The following KCND2 variants were observed in gnomAD, a reference collection of about 807,000 sequenced individuals.
The protein encoded by KCND2 is A-type voltage-gated potassium channel KCND2.
A neutral mutation model predicts 54.4 loss-of-function variants in KCND2; 16 were observed. The ratio of observed to expected loss-of-function variants is 0.29; its 90% CI spans 0.20 to 0.45. The LOEUF (loss-of-function observed/expected upper bound fraction) is 0.45, where lower values mean the gene tolerates loss of function less well. Among genes scored for constraint, KCND2 ranks in the 20% least tolerant of loss-of-function variants. The probability of loss-of-function intolerance (pLI) is 1.00; values close to 1 mark genes in which losing one functional copy is unlikely to be tolerated. For missense variants in KCND2, 486 were observed against 824.2 expected (o/e 0.59, Z 5.02); for synonymous variants, 317 against 310.7 (o/e 1.02, Z -0.21).
intron 1 of KCND2, among the ~76,000 whole-genome samples, chr7:120,552,679 C>T (rs1343811743): frequency 3.3e-5 from 5 of 152,166 alleles, no homozygotes; most frequent in African/African-American, 9.6e-5. Context: ...GGTGCCCTTC[C>T]CCTCTGAGTG....
intron 1 of KCND2, among the ~76,000 whole-genome samples, chr7:120,625,407 T>C (rs975547275): frequency 2.0e-5 from 3 of 152,238 alleles, no homozygotes; most frequent in Admixed American, 6.5e-5. Context: ...ATTTTAACTT[T>C]AATTCAAATG....
intron 1 of KCND2, among the ~76,000 whole-genome samples, chr7:120,448,591 T>C (rs1010413086): frequency 7.3e-5 from 11 of 151,478 alleles, no homozygotes; most frequent in African/African-American, 2.4e-4. Flanking sequence ...ATCATCCTGA[T>C]ACCAAAGGCT....
intron 1 of KCND2, among the ~76,000 whole-genome samples, chr7:120,596,066 C>G (rs1187461499): frequency 6.6e-6 from 1 of 152,066 alleles, no homozygotes; most frequent in African/African-American, 2.4e-5. Flanking sequence ...CTCTTTATTA[C>G]TGTGATGTCA....
At chr7:120,553,781 G>C (rs1562871597) in intron 1 of KCND2, among the ~76,000 whole-genome samples, 1 of 152,200 alleles carries the variant, frequency 6.6e-6, no homozygotes, top group Non-Finnish European at 1.5e-5. Flanking sequence ...TAAAGCTATG[G>C]ACTGGAATTA....
chr7:120,536,414 A>T (rs1420730932), intron 1 of KCND2, among the ~76,000 whole-genome samples: 2 of 152,110 alleles, frequency 1.3e-5, no homozygotes, highest in Non-Finnish European at 2.9e-5. Context: ...GCAGCAATGA[A>T]ATTTTTCATA....
intron 1 of KCND2, among the ~76,000 whole-genome samples, chr7:120,304,041 G>T (rs1181336326): frequency 1.3e-5 from 2 of 152,060 alleles, no homozygotes; most frequent in African/African-American, 4.8e-5. Context: ...AAATTATTCT[G>T]AAACAACTAG....
At chr7:120,355,486 T>G (rs1313885032) in intron 1 of KCND2, among the ~76,000 whole-genome samples, 1 of 150,898 alleles carries the variant, frequency 6.6e-6, no homozygotes, top group Non-Finnish European at 1.5e-5. Flanking sequence ...GGTGGGGGGG[T>G]GCAATGAGCT....
intron 1 of KCND2, among the ~76,000 whole-genome samples, chr7:120,324,844 T>G (rs1416269168): frequency 6.7e-6 from 1 of 149,252 alleles, no homozygotes; most frequent in East Asian, 2.0e-4. Flanking sequence ...AAGAAAGGCA[T>G]TGGTAGCTTG....
chr7:120,518,834 G>GA (rs1200707269), intron 1 of KCND2, among the ~76,000 whole-genome samples: 2 of 152,074 alleles, frequency 1.3e-5, no homozygotes, highest in Non-Finnish European at 2.9e-5. Context: ...TTGCCGACGT[G>GA]AAAAAGATTA....
intron 1 of KCND2, among the ~76,000 whole-genome samples, chr7:120,394,185 T>A (rs536184214): frequency 1.3e-5 from 2 of 152,090 alleles, no homozygotes; most frequent in East Asian, 3.9e-4. Context: ...AAGATGGAGT[T>A]ATTACTCAAA....
chr7:120,454,434 C>T (rs566584480), intron 1 of KCND2, among the ~76,000 whole-genome samples: 1 of 152,236 alleles, frequency 6.6e-6, no homozygotes, highest in African/African-American at 2.4e-5. Flanking sequence ...TCTCTGTGAA[C>T]ATAAACTAGA....
chr7:120,593,901 C>G (rs1233154338), intron 1 of KCND2, among the ~76,000 whole-genome samples: 1 of 152,154 alleles, frequency 6.6e-6, no homozygotes, highest in Non-Finnish European at 1.5e-5. Context: ...CAGTGCTGAA[C>G]CTCTACTCAG....
intron 1 of KCND2, among the ~76,000 whole-genome samples, chr7:120,385,476 A>G (rs1342910265): frequency 1.3e-5 from 2 of 152,124 alleles, no homozygotes; most frequent in Admixed American, 1.3e-4. Context: ...TCACCAATCC[A>G]TGTTTACCCC....
intron 1 of KCND2, among the ~76,000 whole-genome samples, chr7:120,355,999 G>A (rs1800498676): frequency 6.6e-6 from 1 of 151,978 alleles, no homozygotes; most frequent in Non-Finnish European, 1.5e-5. Context: ...CTCTAATCTT[G>A]TATAGTAAGG....
At chr7:120,605,970 G>GT (rs952569986) in intron 1 of KCND2, among the ~76,000 whole-genome samples, 1 of 152,220 alleles carries the variant, frequency 6.6e-6, no homozygotes, top group South Asian at 2.1e-4. Flanking sequence ...ATGGGGACGG[G>GT]TTTTTTCTGT....
At chr7:120,542,281 A>G (rs2116382435) in intron 1 of KCND2, among the ~76,000 whole-genome samples, 1 of 152,298 alleles carries the variant, frequency 6.6e-6, no homozygotes, top group South Asian at 2.1e-4. Context: ...TCAAGTGGTC[A>G]ATAATTTTTA....
At chr7:120,721,136 G>A (rs1232729798) in intron 1 of KCND2, among the ~76,000 whole-genome samples, 1 of 152,088 alleles carries the variant, frequency 6.6e-6, no homozygotes, top group Non-Finnish European at 1.5e-5. Flanking sequence ...TTATGTTTAA[G>A]CAGGTGTACT....
chr7:120,607,419 G>T (rs545806724), intron 1 of KCND2, among the ~76,000 whole-genome samples: 47 of 152,022 alleles, frequency 3.1e-4, no homozygotes, highest in African/African-American at 1.1e-3. Flanking sequence ...AGATCTGTAG[G>T]GTAAGAAATC....
Position 120,586,094 on chromosome 7 carries a change from A to G in KCND2, c.1116-146809A>G, listed in dbSNP as rs73721428. 8.7e-3 allele frequency among the ~76,000 whole-genome samples: 1,318 copies of G among 152,214 alleles called. 20 individuals are homozygous for G. Among genetic ancestry groups the G allele is most frequent in the African/African-American group, 0.03 (1,234 of 41,516 alleles). On this transcript the variant is annotated intron_variant, in intron 1 of 5. Transcript: ENST00000331113. ...AGATTGTTTTTTCTATATAGGAACT[A>G]TGTGGTCAGATTTTTATAAATTTTA...
Sources: allele counts gnomAD v4.1 joint callset (sites outside exome capture counted in the v4.1 genomes callset), GRCh38; gene constraint gnomAD v4.1.1; transcripts MANE v1.5; gene names NCBI Gene and HGNC (gene_info 2026-07-23, HGNC 2026-07-21).